The following MIPOL1 variants were observed in gnomAD, a reference collection of about 807,000 sequenced individuals.
The protein encoded by MIPOL1 is mirror-image polydactyly gene 1 protein.
In MIPOL1, 57 loss-of-function variants were observed where a neutral mutation model predicts 60.9. The ratio of observed to expected loss-of-function variants is 0.94; its 90% confidence interval spans 0.76 to 1.17. The LOEUF is 1.17. MIPOL1 is among the 50% of genes most tolerant of loss of function. MIPOL1 has a pLI of 0.00. For missense variants in MIPOL1, 551 were observed against 511.6 expected, an observed-to-expected ratio of 1.08 and a Z score of -0.74; for synonymous variants, 179 against 168.8, an observed-to-expected ratio of 1.06 and a Z score of -0.47.
intron 10 of MIPOL1, among the ~76,000 whole-genome samples, chr14:37,377,425 A>C (rs1337622245): frequency 6.6e-6 from 1 of 152,090 alleles, no homozygotes; most frequent in Non-Finnish European, 1.5e-5. Flanking sequence ...ACAAAGGCCA[A>C]GGGTAGCTGG....
chr14:37,515,823 G>A (rs527708527), intron 12 of MIPOL1, among the ~76,000 whole-genome samples: 1 of 152,292 alleles, frequency 6.6e-6, no homozygotes, highest in Admixed American at 6.5e-5. Context: ...CTAAGACAGA[G>A]AACTGATCAG....
chr14:37,450,688 T>C (rs1399236520), intron 11 of MIPOL1, among the ~76,000 whole-genome samples: 5 of 152,276 alleles, frequency 3.3e-5, no homozygotes, highest in East Asian at 1.9e-4. Context: ...GTTTTCTCTT[T>C]CGTTTTTCCC....
At chr14:37,441,486 G>A (rs1176584854) in intron 11 of MIPOL1, among the ~76,000 whole-genome samples, 1 of 152,096 alleles carries the variant, frequency 6.6e-6, no homozygotes, top group Non-Finnish European at 1.5e-5. Context: ...TTATTAAAAA[G>A]GGCGTCTCTT....
intron 9 of MIPOL1, among the ~76,000 whole-genome samples, chr14:37,310,726 G>A (rs1014033307): frequency 6.6e-6 from 1 of 152,048 alleles, no homozygotes; most frequent in African/African-American, 2.4e-5. Flanking sequence ...CCTAGTTGTG[G>A]TTCACCCCTG....
chr14:37,338,390 G>A (rs1275458663), intron 9 of MIPOL1, among the ~76,000 whole-genome samples: 3 of 145,412 alleles, frequency 2.1e-5, no homozygotes, highest in Non-Finnish European at 4.5e-5. Flanking sequence ...GATTACAGGC[G>A]TGAACCACCG....
At chr14:37,294,059 C>G (rs973096474) in intron 7 of MIPOL1, among the ~76,000 whole-genome samples, 1 of 152,164 alleles carries the variant, frequency 6.6e-6, no homozygotes, top group African/African-American at 2.4e-5. Flanking sequence ...AGGCATCCCC[C>G]AGTAGGGGCG....
At chr14:37,338,272 A>G (rs2090327747) in intron 9 of MIPOL1, among the ~76,000 whole-genome samples, 1 of 151,332 alleles carries the variant, frequency 6.6e-6, no homozygotes, top group Admixed American at 6.6e-5. Context: ...ATGCCCGGCT[A>G]GTTTTCTGTA....
intron 10 of MIPOL1, among the ~76,000 whole-genome samples, chr14:37,418,292 T>C (rs2093807773): frequency 6.6e-6 from 1 of 152,160 alleles, no homozygotes; most frequent in African/African-American, 2.4e-5. Context: ...GGTCTTTTCT[T>C]TGTCATTCTG....
chr14:37,411,601 G>T (rs2093682400), intron 10 of MIPOL1, among the ~76,000 whole-genome samples: 2 of 152,004 alleles, frequency 1.3e-5, no homozygotes, highest in African/African-American at 4.8e-5. Context: ...CCAGCTGCCT[G>T]TTTTTGTAAA....
At chr14:37,266,326 T>C (rs555022833) in intron 3 of MIPOL1, among the ~76,000 whole-genome samples, 38 of 152,204 alleles carry the variant, frequency 2.5e-4, no homozygotes, top group Non-Finnish European at 4.9e-4. Flanking sequence ...TGTTCATTCT[T>C]GACAGCTCAA....
intron 10 of MIPOL1, among the ~76,000 whole-genome samples, chr14:37,408,997 A>T (rs989725071): frequency 1.3e-5 from 2 of 152,174 alleles, no homozygotes; most frequent in African/African-American, 4.8e-5. Flanking sequence ...CATCTATAGG[A>T]ATATTTTGTA....
At chr14:37,348,909 A>C (rs1595295558) in intron 9 of MIPOL1, among the ~76,000 whole-genome samples, 1 of 141,262 alleles carries the variant, frequency 7.1e-6, no homozygotes, top group African/African-American at 2.7e-5. Flanking sequence ...GCTCGCTGCA[A>C]CCTCTGCCTC....
At chr14:37,350,867 A>G (rs977795677) in intron 9 of MIPOL1, among the ~76,000 whole-genome samples, 1 of 152,146 alleles carries the variant, frequency 6.6e-6, no homozygotes, top group Non-Finnish European at 1.5e-5. Context: ...AGTTAACATA[A>G]TGATCTCCAG....
At chr14:37,202,928 T>A (rs906973047) in intron 1 of MIPOL1, among the ~76,000 whole-genome samples, 3 of 152,218 alleles carry the variant, frequency 2.0e-5, no homozygotes. Flanking sequence ...GTCTATTGCT[T>A]ATTTGTTGCT....
chr14:37,351,177 C>CAT, intron 9 of MIPOL1, among the ~76,000 whole-genome samples: 1 of 143,942 alleles, frequency 6.9e-6, no homozygotes, highest in East Asian at 2.1e-4. Context: ...TTTGTTCTTG[C>CAT]GATAGTTTAC....
At chr14:37,359,813 C>A (rs933084769) in intron 9 of MIPOL1, among the ~76,000 whole-genome samples, 3 of 152,124 alleles carry the variant, frequency 2.0e-5, no homozygotes, top group African/African-American at 4.8e-5. Flanking sequence ...TCTTTTATTT[C>A]TTTCTCTTGC....
intron 12 of MIPOL1, among the ~76,000 whole-genome samples, chr14:37,532,575 A>C (rs1270298550): frequency 6.6e-6 from 1 of 151,820 alleles, no homozygotes; most frequent in African/African-American, 2.4e-5. Context: ...TTACAGTCTT[A>C]CTAAGAGAAT....
At chr14:37,357,228 G>C (rs751913503) in intron 9 of MIPOL1, among the ~76,000 whole-genome samples, 1 of 152,164 alleles carries the variant, frequency 6.6e-6, no homozygotes, top group Admixed American at 6.5e-5. Flanking sequence ...CTCACCAACA[G>C]ATGGGCAGTT....
At chr14:37,319,105 T>G (rs2088271947) in intron 9 of MIPOL1, among the ~76,000 whole-genome samples, 2 of 152,074 alleles carry the variant, frequency 1.3e-5, no homozygotes, top group South Asian at 4.1e-4. Flanking sequence ...CCTTCCAAAG[T>G]GCTGAGATTA....
Sources: allele counts gnomAD v4.1 joint callset (sites outside exome capture counted in the v4.1 genomes callset), GRCh38; gene constraint gnomAD v4.1.1; transcripts MANE v1.5; gene names NCBI Gene and HGNC (gene_info 2026-07-23, HGNC 2026-07-21).